The following STX1B variants were observed in gnomAD, a reference collection of about 807,000 sequenced individuals.
STX1B encodes the protein syntaxin-1B.
A neutral mutation model predicts 39.4 loss-of-function variants in STX1B; 7 were observed. The ratio of observed to expected loss-of-function variants is 0.18; its 90% confidence interval spans 0.10 to 0.33. The LOEUF is 0.33. Among genes scored for constraint, STX1B ranks in the 10% least tolerant of loss-of-function variants. The pLI, the probability that STX1B is intolerant of heterozygous loss-of-function variation, is 1.00. For synonymous variants in STX1B, 136 were observed against 144.1 expected (o/e 0.94, Z 0.40); for missense variants, 198 against 383.2 (o/e 0.52, Z 4.04).
intron 4 of STX1B, among the ~76,000 whole-genome samples, chr16:30,999,064 C>T (rs1333191781): frequency 6.6e-6 from 1 of 152,160 alleles, no homozygotes; most frequent in African/African-American, 2.4e-5. Flanking sequence ...CCCCCACCCC[C>T]AAAACAAGCT....
Position 30,996,787 on chromosome 16 carries a change from G to A in STX1B, c.464-31C>T, listed in dbSNP as rs1247410374. 14 of 1,612,232 alleles carry A rather than the reference G, an allele frequency of 8.7e-6. No individual in the cohort carries two copies. The East Asian group carries it at 8.9e-5, about 10-fold the overall frequency. On this transcript the variant is annotated intron_variant, in intron 6 of 9. Transcript: ENST00000215095. Reference sequence around the variant, plus strand: ...GGAAGAAAGGACTCCCTGCTCGGGGGCTGGGACAGCCTGGGGGCCTGAGGT... The same window carrying A: ...GGAAGAAAGGACTCCCTGCTCGGGGACTGGGACAGCCTGGGGGCCTGAGGT...
Position 30,991,343 on chromosome 16 carries a change from A to G in STX1B, c.*1478T>C, listed in dbSNP as rs8062719. Reference sequence around the variant, plus strand: ...GGAAGATGAGGATCTAGGTGTGAGCATGCAGAGCCCTGAGGCTGGGCAGGC... The same window carrying G: ...GGAAGATGAGGATCTAGGTGTGAGCGTGCAGAGCCCTGAGGCTGGGCAGGC... On this transcript the variant is annotated 3_prime_UTR_variant, in exon 10 of 10. Coordinates refer to ENST00000215095, the MANE Select transcript of STX1B (RefSeq NM_052874.5). The G allele has an allele frequency of 0.62, 94,873 of 152,634 alleles. 29,935 individuals carry two copies. The highest frequency in any genetic ancestry group is 0.91 in the East Asian group (4,691 of 5,172). 9.5% of individuals were successfully genotyped at this position (152,634 alleles called of 1,614,324 possible).
At chr16:30,994,589 A>G (rs112840641) in intron 7 of STX1B, among the ~76,000 whole-genome samples, 2 of 134,898 alleles carry the variant, frequency 1.5e-5, no homozygotes, top group Non-Finnish European at 3.2e-5. Flanking sequence ...GACCATGCTG[A>G]AAAAAAAAAA....
intron 1 of STX1B, among the ~76,000 whole-genome samples, chr16:31,003,023 G>C (rs2056638929): frequency 6.6e-6 from 1 of 152,158 alleles, no homozygotes; most frequent in African/African-American, 2.4e-5. Context: ...ATTGAACCTA[G>C]ACAGGGCCAG....
In STX1B at chr16:30,990,056, G is replaced by C. The variant is rs947373171; in HGVS notation, c.*2765C>G. The C allele has an allele frequency of 7.9e-5, 12 of 152,338 alleles. No homozygotes were observed. Among genetic ancestry groups the C allele is most frequent in the African/African-American group, 2.9e-4 (12 of 41,440 alleles). The allele number at this position is 152,338 out of a possible 1,614,324, so 9.4% of individuals were successfully genotyped here. ...TAGGATGTGGAGGACGCATAGAAAG[G>C]GCACAGCAGACCCTTAGAGATCCCC... On this transcript the variant is annotated 3_prime_UTR_variant, in exon 10 of 10. Transcript: ENST00000215095.
At chr16:31,009,215 G>A (rs1299350150) in intron 1 of STX1B, among the ~76,000 whole-genome samples, 2 of 152,128 alleles carry the variant, frequency 1.3e-5, no homozygotes, top group African/African-American at 4.8e-5. Flanking sequence ...TCAAAGGCCA[G>A]AAAAGCAGAG....
rs763983296 is a variant in STX1B, at chr16:30,993,059, C to T, written c.786+71G>A. 9.4e-6 allele frequency: 14 copies of T among 1,484,214 alleles called. No individual in the cohort carries two copies. The African/African-American group carries it at 1.9e-4, about 21-fold the overall frequency. The allele number at this position is 1,484,214 out of a possible 1,614,324, so 91.9% of individuals were successfully genotyped here. A position where few individuals can be genotyped will look rare whatever the true frequency, so the allele number is the denominator to read the frequency against. ...CAGAGATAAGGCCTCCCGCCCGCTG[C>T]CATCACTCACCTCAGCCCGGGCTCA... On this transcript the variant is annotated intron_variant, in intron 9 of 9. Coordinates refer to ENST00000215095, the MANE Select transcript of STX1B (RefSeq NM_052874.5).
chr16:31,009,606 C>T (rs540781474), intron 1 of STX1B, among the ~76,000 whole-genome samples: 2 of 151,932 alleles, frequency 1.3e-5, no homozygotes, highest in Admixed American at 1.3e-4. Context: ...CCCTGTCCCC[C>T]CAAAACCAGG....
rs777312335 is a variant in STX1B, at chr16:31,000,847, G to A, written c.280+81C>T. The A allele has an allele frequency of 2.1e-6, 3 of 1,428,464 alleles. No individual in the cohort carries two copies. In the South Asian group the frequency reaches 3.5e-5, roughly 17 times the overall value. The allele number at this position is 1,428,464 out of a possible 1,614,324, so 88.5% of individuals were successfully genotyped here. A position where few individuals can be genotyped will look rare whatever the true frequency, so the allele number is the denominator to read the frequency against. ...CTCCTGGGATTGAGCAATTGGCCCC[G>A]CCTCGCCCTCCCAAAGGCCTGAGCC... On this transcript the variant is annotated intron_variant, in intron 4 of 9. Transcript: ENST00000215095.
chr16:31,000,806 C>T (rs1157102850), intron 4 of STX1B, 122 bp downstream of exon 4: 2 of 970,044 alleles, frequency 2.1e-6, no homozygotes, highest in Non-Finnish European at 3.2e-6. Flanking sequence ...GCCATGTTGC[C>T]CAGGCTGGTG....
intron 4 of STX1B, among the ~76,000 whole-genome samples, chr16:30,999,055 C>T (rs1456180368): frequency 6.6e-6 from 1 of 152,120 alleles, no homozygotes; most frequent in African/African-American, 2.4e-5. Context: ...GCCCTCCACC[C>T]CCCACCCCCA....
rs1385008089 is a variant in STX1B, at chr16:30,993,175, C to T, written c.741G>A (p.Val247=). The T allele has an allele frequency of 6.2e-7, 1 of 1,614,226 alleles. No homozygotes were observed. The highest frequency in any genetic ancestry group is 1.7e-5 in the Admixed American group (1 of 60,034). The change falls in exon 9 of 10, where the codon GTG becomes GTA. Residue 247 remains valine, a synonymous_variant. Coordinates refer to ENST00000215095, the MANE Select transcript of STX1B (RefSeq NM_052874.5). Reference sequence around the variant, plus strand: ...ATTTCACTGCTTTCTTGGTGTCAGACACAGCTCGCTCCACGTAGTCCACAG... The same window carrying T: ...ATTTCACTGCTTTCTTGGTGTCAGATACAGCTCGCTCCACGTAGTCCACAG... ...EHSVDYVERA[V]SDTKKAVKYQ... is the part of the protein sequence containing the mutation.
chr16:30,999,468 C>T (rs2056612495), intron 4 of STX1B, among the ~76,000 whole-genome samples: 1 of 152,224 alleles, frequency 6.6e-6, no homozygotes, highest in African/African-American at 2.4e-5. Context: ...TGCAAAACAG[C>T]ATGCCAGTAA....
At chr16:31,009,542 C>T (rs2056670644) in intron 1 of STX1B, among the ~76,000 whole-genome samples, 1 of 152,006 alleles carries the variant, frequency 6.6e-6, no homozygotes, top group South Asian at 2.1e-4. Context: ...AAACCATTCT[C>T]ATCGAACCCC....
At position 31,001,157 on chromosome 16, in the gene STX1B, C is replaced by G. The variant is rs1223656803; in HGVS notation, c.142G>C (p.Glu48Gln). Reference sequence around the variant, plus strand: ...TGTTTTTTCACCTGCTCCACATCCTCCGACAGTTTCTCAATGCAGCCCCGG... The same window carrying G: ...TGTTTTTTCACCTGCTCCACATCCTGCGACAGTTTCTCAATGCAGCCCCGG... ...EIRGCIEKLS[E>Q]DVEQVKKQHS... Residue 48 changes from glutamate (E) to glutamine (Q), a missense_variant, in exon 3 of 10, where the codon GAG becomes CAG. Coordinates refer to ENST00000215095, the MANE Select transcript of STX1B (RefSeq NM_052874.5). The surrounding 1 kb of genome is among the most constrained non-coding windows in gnomAD (Gnocchi z 5.5). 1 of 1,613,996 alleles carries G rather than the reference C, an allele frequency of 6.2e-7. No individual in the cohort carries two copies. The highest frequency in any genetic ancestry group is 1.3e-5 in the African/African-American group (1 of 74,922).
rs1266020162 is a variant in STX1B at position 30,990,860 on chromosome 16, T to C, written c.*1961A>G. The C allele has an allele frequency of 3.9e-5, 6 of 152,160 alleles. No homozygotes were observed. Among genetic ancestry groups the C allele is most frequent in the Non-Finnish European group, 8.8e-5 (6 of 68,026 alleles). The allele number at this position is 152,160 out of a possible 1,614,324, so 9.4% of individuals were successfully genotyped here. ...TGTACCCCTCAGTCACACCCTGGTG[T>C]GGGGAGCAGCCTGAGGGTTCAGCAG... On this transcript the variant is annotated 3_prime_UTR_variant, in exon 10 of 10. Transcript: ENST00000215095.
chr16:30,994,323 C>T (rs575085435), intron 7 of STX1B, among the ~76,000 whole-genome samples: 1 of 150,000 alleles, frequency 6.7e-6, no homozygotes, highest in African/African-American at 2.5e-5. Flanking sequence ...TAGGGAGAGG[C>T]CTGTAACCCC....
At chr16:31,010,267 A>G in intron 1 of STX1B, 100 bp downstream of exon 1, 1 of 981,578 alleles carries the variant, frequency 1.0e-6, no homozygotes, top group Non-Finnish European at 1.4e-6. Context: ...CTCCGATCTC[A>G]TCCTTCGCCC....
rs773115059 is a variant in STX1B at position 31,001,056 on chromosome 16, TCTC to T, written c.205+35_205+37del. 46 of 1,613,692 alleles carry T rather than the reference TCTC, an allele frequency of 2.9e-5. No homozygotes were observed. In the African/African-American group the frequency reaches 5.7e-4, roughly 20 times the overall value. On this transcript the variant is annotated intron_variant, in intron 3 of 9. Coordinates refer to ENST00000215095, the MANE Select transcript of STX1B (RefSeq NM_052874.5). The surrounding 1 kb of genome is among the most constrained non-coding windows in gnomAD (Gnocchi z 5.5). ...GTCTGGGTGGGAACCCCAGGCCCCT[TCTC>T]CTCCCACCCCACAGTCACCGGCAGC... is the stretch of plus-strand genomic sequence containing the variant.
Sources: allele counts gnomAD v4.1 joint callset (sites outside exome capture counted in the v4.1 genomes callset), GRCh38; gene constraint gnomAD v4.1.1; non-coding constraint Gnocchi (gnomAD v3.1); transcripts MANE v1.5; gene names NCBI Gene and HGNC (gene_info 2026-07-23, HGNC 2026-07-21).